CACNA1C: variants seen among roughly 807,000 people sequenced by gnomAD.
CACNA1C encodes voltage-dependent L-type calcium channel subunit alpha-1C.
In CACNA1C, 30 loss-of-function variants were observed where a neutral mutation model predicts 229.0. That is an observed-to-expected ratio of 0.13 (90% confidence interval 0.10 to 0.18). The LOEUF is 0.18. Ranked by LOEUF, CACNA1C falls within the 10% of genes least tolerant of loss-of-function variation. CACNA1C has a pLI of 1.00. For missense variants in CACNA1C, 1,658 were observed against 2,845.0 expected, an observed-to-expected ratio of 0.58 and a Z score of 9.49; for synonymous variants, 1,114 against 1,132.5, an observed-to-expected ratio of 0.98 and a Z score of 0.33.
intron 1 of CACNA1C, among the ~76,000 whole-genome samples, chr12:1,993,753 T>C (rs2040113112): frequency 6.6e-6 from 1 of 152,206 alleles, no homozygotes; most frequent in Non-Finnish European, 1.5e-5. Context: ...AAGAATACTT[T>C]TTAAAAGTTA....
At chr12:2,372,171 A>G (rs2097886942) in intron 3 of CACNA1C, among the ~76,000 whole-genome samples, 3 of 152,218 alleles carry the variant, frequency 2.0e-5, no homozygotes, top group Admixed American at 1.3e-4. Flanking sequence ...CCCAAGTTTG[A>G]TGATGTCCTC....
intron 8 of CACNA1C, among the ~76,000 whole-genome samples, chr12:2,506,521 G>C (rs1198918553): frequency 1.3e-5 from 2 of 152,190 alleles, no homozygotes; most frequent in African/African-American, 4.8e-5. Context: ...TAACACAGTG[G>C]TATATAATAA....
In CACNA1C at chr12:2,654,243, G is replaced by A. The variant is rs2095286512; in HGVS notation, c.4140+343G>A. 6.6e-6 allele frequency among the ~76,000 whole-genome samples: 1 copy of A among 152,208 alleles called. No homozygotes were observed. The highest frequency in any genetic ancestry group is 1.5e-5 in the Non-Finnish European group (1 of 68,040). ...GCCCCTTCTCAAGAAACAGCAGCAA[G>A]GTGTGTCTGTTTGTGTCCAGCACCC... On this transcript the variant is annotated intron_variant, in intron 33 of 46. Transcript: ENST00000399655. This position sits in a 1 kb window ranked among gnomAD's most constrained non-coding sequence, Gnocchi z 4.4.
chr12:2,341,467 G>A (rs967805256), intron 3 of CACNA1C, among the ~76,000 whole-genome samples: 1 of 150,678 alleles, frequency 6.6e-6, no homozygotes, highest in Non-Finnish European at 1.5e-5. Flanking sequence ...GTTCAGAGTC[G>A]CTGTGGAATC....
intron 3 of CACNA1C, among the ~76,000 whole-genome samples, chr12:2,445,093 G>A (rs565496843): frequency 5.3e-5 from 8 of 152,310 alleles, no homozygotes; most frequent in Non-Finnish European, 1.0e-4. Flanking sequence ...TAGCAGAGCT[G>A]TCCATACTTC....
intron 3 of CACNA1C, among the ~76,000 whole-genome samples, chr12:2,425,522 AC>A (rs2099021494): frequency 6.6e-6 from 1 of 152,264 alleles, no homozygotes; most frequent in Admixed American, 6.5e-5. Context: ...AATTGGGACA[AC>A]AGCAAGTCAC....
chr12:2,375,087 A>C (rs1239819188), intron 3 of CACNA1C, among the ~76,000 whole-genome samples: 1 of 152,200 alleles, frequency 6.6e-6, no homozygotes, highest in Admixed American at 6.5e-5. Context: ...AGGATTAGTG[A>C]TTCTTTCAAG....
chr12:2,017,142 T>C (rs1367478822), intron 1 of CACNA1C, among the ~76,000 whole-genome samples: 1 of 152,038 alleles, frequency 6.6e-6, no homozygotes, highest in Non-Finnish European at 1.5e-5. Flanking sequence ...ATTTAGAAAA[T>C]TGGAAAGGCT....
intron 9 of CACNA1C, among the ~76,000 whole-genome samples, chr12:2,517,518 G>T (rs532540811): frequency 6.6e-6 from 1 of 152,240 alleles, no homozygotes; most frequent in Non-Finnish European, 1.5e-5. Context: ...CAAAAAAGGG[G>T]CAAGAAAGGG....
At chr12:2,586,962 G>C (rs533324802) in intron 18 of CACNA1C, among the ~76,000 whole-genome samples, 2 of 152,218 alleles carry the variant, frequency 1.3e-5, no homozygotes, top group South Asian at 4.1e-4. Context: ...TTTCAACGAC[G>C]TACTAGAATT....
intron 3 of CACNA1C, among the ~76,000 whole-genome samples, chr12:2,324,923 G>T (rs189822782): frequency 6.6e-6 from 1 of 152,300 alleles, no homozygotes; most frequent in East Asian, 1.9e-4. Context: ...CTATTTAGTC[G>T]TTACTGTTGC....
rs1257364599 is a variant in CACNA1C, at chr12:2,686,159, T to C, written c.5681-7T>C. The C allele has an allele frequency of 6.2e-7, 1 of 1,612,234 alleles. No individual in the cohort carries two copies. Among genetic ancestry groups the C allele is most frequent in the South Asian group, 1.1e-5 (1 of 91,054 alleles). ...CCCTGATGGTGGCTCTCTGGCTGGCTTTGCAGGTCGAAGGGCCTCCTTCCA... is the reference window on the plus strand; with the variant it reads ...CCCTGATGGTGGCTCTCTGGCTGGCCTTGCAGGTCGAAGGGCCTCCTTCCA... On this transcript the variant is annotated splice_polypyrimidine_tract_variant and splice_region_variant and intron_variant, in intron 44 of 46. Transcript: ENST00000399655.
chr12:2,122,646 C>G (rs181936739), intron 3 of CACNA1C, among the ~76,000 whole-genome samples: 3 of 152,198 alleles, frequency 2.0e-5, no homozygotes, highest in African/African-American at 7.2e-5. Flanking sequence ...TGTGTCTACA[C>G]GAACGTTTAC....
At position 2,634,277 on chromosome 12, in the gene CACNA1C, G is replaced by C; in HGVS notation, c.3829-20G>C. ...GTTGGTTCTTCTTCTCTCTCTCCCC[G>C]GCTGCTCTGCCCCATGCAGCACTAT... On this transcript the variant is annotated intron_variant, in intron 29 of 46. Transcript: ENST00000399655. The C allele has an allele frequency of 7.4e-7, 1 of 1,354,156 alleles. No individual in the cohort carries two copies. Among genetic ancestry groups the C allele is most frequent in the Non-Finnish European group, 1.0e-6 (1 of 1,002,040 alleles). 83.9% of individuals were successfully genotyped at this position (1,354,156 alleles called of 1,614,324 possible). A position where few individuals can be genotyped will look rare whatever the true frequency, so the allele number is the denominator to read the frequency against.
chr12:2,320,960 G>A (rs1320858570), intron 3 of CACNA1C, among the ~76,000 whole-genome samples: 2 of 152,264 alleles, frequency 1.3e-5, no homozygotes, highest in African/African-American at 4.8e-5. Context: ...GGGGCCCAGA[G>A]GAGGGGCTTC....
chr12:2,652,866 A>C (rs1440466715), intron 32 of CACNA1C, among the ~76,000 whole-genome samples: 1 of 147,402 alleles, frequency 6.8e-6, no homozygotes, highest in Non-Finnish European at 1.5e-5. Flanking sequence ...CGCGGAACCC[A>C]CGGCTGTGAG....
At chr12:2,662,956 TC>T (rs1280484411) in intron 34 of CACNA1C, among the ~76,000 whole-genome samples, 1 of 152,196 alleles carries the variant, frequency 6.6e-6, no homozygotes, top group African/African-American at 2.4e-5. Context: ...AAAGCATATT[TC>T]TACCTCATAT....
intron 4 of CACNA1C, among the ~76,000 whole-genome samples, chr12:2,456,425 C>T (rs572854672): frequency 1.4e-3 from 213 of 152,306 alleles, no homozygotes; most frequent in South Asian, 0.012. Context: ...GCTCAAAGTC[C>T]CCCAATGGCT....
chr12:2,558,179 C>T (rs965724280), intron 11 of CACNA1C, among the ~76,000 whole-genome samples: 2 of 152,114 alleles, frequency 1.3e-5, no homozygotes, highest in Non-Finnish European at 2.9e-5. Context: ...GGACACATGG[C>T]GGAGAGGGAC....
Sources: gnomAD v4.1 joint callset for allele counts (sites outside exome capture counted in the v4.1 genomes callset) on GRCh38, gnomAD v4.1.1 for gene constraint, Gnocchi (gnomAD v3.1) non-coding constraint, MANE v1.5 for transcripts, NCBI Gene and HGNC (gene_info 2026-07-23, HGNC 2026-07-21) for gene names.